Variants in RASA3 observed in about 807,000 individuals in gnomAD.
RASA3 encodes RAS p21 protein activator 3.
Under a neutral mutation model 110.0 loss-of-function variants are expected in RASA3, and 73 were observed. The ratio of observed to expected loss-of-function variants is 0.66; its 90% CI spans 0.55 to 0.81. RASA3 has a LOEUF of 0.81. Among genes scored for constraint, RASA3 ranks in the 30% least tolerant of loss-of-function variants. RASA3 has a pLI of 0.00. For synonymous variants in RASA3, 500 were observed against 451.4 expected (o/e 1.11, Z -1.37); for missense variants, 976 against 1,113.2 (o/e 0.88, Z 1.75).
intron 1 of RASA3, among the ~76,000 whole-genome samples, chr13:114,081,419 T>A (rs1047008081): frequency 2.6e-5 from 4 of 152,180 alleles, no homozygotes; most frequent in African/African-American, 7.2e-5. Flanking sequence ...GGAAATGCTG[T>A]CCGCAGACCA....
intron 1 of RASA3, among the ~76,000 whole-genome samples, chr13:114,126,282 C>T (rs1021305435): frequency 2.0e-5 from 3 of 152,246 alleles, no homozygotes; most frequent in African/African-American, 7.2e-5. Flanking sequence ...CCCCGTGTGG[C>T]CCCTTCTGTC....
chr13:114,061,271 T>C (rs8002461), intron 2 of RASA3, among the ~76,000 whole-genome samples: 108,900 of 151,574 alleles, frequency 0.72, 39,895 homozygotes, highest in African/African-American at 0.87. Flanking sequence ...GACGCTGCCT[T>C]GATGCGTGGG....
rs200485426 is a variant in RASA3 at position 114,011,238 on chromosome 13, G to A, written c.1523C>T (p.Thr508Met). ...QLTPHHTDPQ[T>M]SRTLTLISKT... ...GGAGATCAATGTCAGCGTCCTGGAC[G>A]TCTGGGGGTCCTGGGGAGGCGGGAG... Residue 508 changes from threonine (T) to methionine (M), a missense_variant, in exon 16 of 24, where the codon ACG becomes ATG. Physicochemically the swap from Thr to Met is moderately conservative, Grantham distance 81. Coordinates refer to ENST00000334062, the MANE Select transcript of RASA3 (RefSeq NM_007368.4). The surrounding 1 kb of genome is among the most constrained non-coding windows in gnomAD (Gnocchi z 4.8). The A allele has an allele frequency of 9.6e-5, 154 of 1,612,464 alleles. No homozygotes were observed. In the African/African-American group the frequency reaches 9.7e-4, roughly 10 times the overall value.
intron 2 of RASA3, among the ~76,000 whole-genome samples, chr13:114,073,384 C>T (rs75024283): frequency 2.0e-5 from 3 of 147,978 alleles, no homozygotes; most frequent in Admixed American, 6.7e-5. Flanking sequence ...TCCCTACACG[C>T]GGGAAAATGG....
chr13:114,053,970 A>C (rs2079195491), intron 2 of RASA3, among the ~76,000 whole-genome samples: 1 of 152,104 alleles, frequency 6.6e-6, no homozygotes, highest in Non-Finnish European at 1.5e-5. Context: ...TACTAAAAAT[A>C]CAAAAATTAG....
chr13:114,089,007 G>A (rs929984975), intron 1 of RASA3, among the ~76,000 whole-genome samples: 3 of 152,156 alleles, frequency 2.0e-5, no homozygotes, highest in Non-Finnish European at 2.9e-5. Context: ...GCACAGCGGT[G>A]CAGGGACAGC....
rs535355864 is a variant in RASA3 at position 114,072,579 on chromosome 13, G to A, written c.173+1141C>T. 1.6e-3 allele frequency among the ~76,000 whole-genome samples: 250 copies of A among 152,218 alleles called. 2 individuals are homozygous for A. The highest frequency in any genetic ancestry group is 5.7e-3 in the African/African-American group (235 of 41,494). On this transcript the variant is annotated intron_variant, in intron 2 of 23. Transcript: ENST00000334062. ...CTCTTTTGTGGAGTGCGAGCTTCCC[G>A]GTTCATCTCTAATTAAAAAGCACTC...
At chr13:114,045,991 T>C (rs1292877916) in intron 3 of RASA3, among the ~76,000 whole-genome samples, 1 of 152,248 alleles carries the variant, frequency 6.6e-6, no homozygotes, top group Admixed American at 6.5e-5. Context: ...TTTGTTAAGA[T>C]ATTAATTCTC....
At chr13:114,104,315 C>T (rs796262411) in intron 1 of RASA3, among the ~76,000 whole-genome samples, 68 of 108,278 alleles carry the variant, frequency 6.3e-4, no homozygotes, top group Middle Eastern at 6.2e-3. Flanking sequence ...CACCCACCCC[C>T]GATGCGTCCA....
chr13:113,980,872 G>C (rs558339516), intron 23 of RASA3, among the ~76,000 whole-genome samples: 78 of 152,208 alleles, frequency 5.1e-4, no homozygotes, highest in Non-Finnish European at 7.3e-4. Context: ...GGAGAAGAAG[G>C]GTGGAGGAGG....
At chr13:114,018,385 C>G in intron 10 of RASA3, 133 bp from the exon 11 acceptor site, 3 of 1,228,240 alleles carry the variant, frequency 2.4e-6, no homozygotes, top group Non-Finnish European at 3.3e-6. Flanking sequence ...CACACACATT[C>G]ACAAAAACAC....
At chr13:114,024,893 C>A (rs2053999178) in intron 7 of RASA3, among the ~76,000 whole-genome samples, 1 of 151,704 alleles carries the variant, frequency 6.6e-6, no homozygotes, top group East Asian at 1.9e-4. Context: ...TTCCTCCTGA[C>A]ACCTCCGCAC....
intron 1 of RASA3, among the ~76,000 whole-genome samples, chr13:114,104,426 C>T (rs2080106379): frequency 6.6e-6 from 1 of 152,182 alleles, no homozygotes; most frequent in African/African-American, 2.4e-5. Flanking sequence ...ACACCCTGGC[C>T]AGAGGCTCAG....
chr13:114,104,356 G>C (rs1305849284), intron 1 of RASA3, among the ~76,000 whole-genome samples: 3 of 150,812 alleles, frequency 2.0e-5, no homozygotes, highest in African/African-American at 7.3e-5. Context: ...ACCCACCCCC[G>C]ATGCGTCCAC....
chr13:113,991,432 A>G (rs1320264878), intron 22 of RASA3, among the ~76,000 whole-genome samples: 2 of 152,200 alleles, frequency 1.3e-5, no homozygotes, highest in African/African-American at 4.8e-5. Context: ...CTCTATTTCC[A>G]TTCTGAGTGG....
Position 114,016,254 on chromosome 13 carries a change from T to A in RASA3, c.1224A>T (p.Lys408Asn). 1 of 1,597,060 alleles carries A rather than the reference T, an allele frequency of 6.3e-7. No homozygotes were observed. Among genetic ancestry groups the A allele is most frequent in the Non-Finnish European group, 8.6e-7 (1 of 1,164,704 alleles). ...PAIEEICQSH[K>N]PCEIDPVKLK... ...ACTTCACAGGGTCGATTTCACAGGG[T>A]TTGTGGCTCTGGCATATCTGGGGAG... Residue 408 changes from lysine (K) to asparagine (N), a missense_variant, in exon 13 of 24, where the codon AAA becomes AAT. By Grantham distance (94) the Lys-to-Asn change is moderately conservative. Around this residue, in one of 4 missense-constraint regions of RASA3, gnomAD observed 732 missense variants for 779.7 expected, o/e 0.94. Coordinates refer to ENST00000334062, the MANE Select transcript of RASA3 (RefSeq NM_007368.4).
intron 1 of RASA3, among the ~76,000 whole-genome samples, chr13:114,111,132 G>A (rs1445544741): frequency 1.1e-5 from 1 of 89,006 alleles, no homozygotes; most frequent in African/African-American, 3.7e-5. Context: ...GAGTTCTAAC[G>A]GGCTGAGCCT....
rs1771799813 is a variant in RASA3 at position 114,065,710 on chromosome 13, C to A, written c.173+8010G>T. Among the ~76,000 whole-genome samples the A allele has an allele frequency of 6.6e-6, 1 of 152,040 alleles. No individual in the cohort carries two copies. The highest frequency in any genetic ancestry group is 2.4e-5 in the African/African-American group (1 of 41,410). On this transcript the variant is annotated intron_variant, in intron 2 of 23. Transcript: ENST00000334062. The surrounding 1 kb of genome is among the most constrained non-coding windows in gnomAD (Gnocchi z 4.1). ...CACCCGCCACCCAGCACTGCAGGGT[C>A]ACACAGCCCTGGCTCCCAGAGGTCA...
At chr13:114,081,809 A>G (rs1271294804) in intron 1 of RASA3, among the ~76,000 whole-genome samples, 1 of 152,172 alleles carries the variant, frequency 6.6e-6, no homozygotes, top group Admixed American at 6.5e-5. Flanking sequence ...GAGTTCACAA[A>G]GGAGCAGAGA....
Sources: gnomAD v4.1 joint callset for allele counts (sites outside exome capture counted in the v4.1 genomes callset) on GRCh38, gnomAD v4.1.1 for gene constraint, gnomAD v4.1.1 regional missense constraint, Gnocchi (gnomAD v3.1) non-coding constraint, MANE v1.5 for transcripts, NCBI Gene and HGNC (gene_info 2026-07-23, HGNC 2026-07-21) for gene names.